Variants in ATE1 observed in about 807,000 individuals in gnomAD.
ATE1 encodes arginyl-tRNA--protein transferase 1.
In ATE1, 36 loss-of-function variants were observed where a neutral mutation model predicts 70.5. The observed-to-expected ratio is 0.51, with a 90% CI of 0.39 to 0.67. The LOEUF (loss-of-function observed/expected upper bound fraction) is 0.67. ATE1 is among the 30% of genes least tolerant of loss of function. The pLI is 0.00. For missense variants in ATE1, 593 were observed against 629.5 expected, an observed-to-expected ratio of 0.94 and a Z score of 0.62; for synonymous variants, 232 against 219.3, an observed-to-expected ratio of 1.06 and a Z score of -0.51.
At chr10:121,768,587 G>A (rs1190413482) in intron 11 of ATE1, among the ~76,000 whole-genome samples, 1 of 152,122 alleles carries the variant, frequency 6.6e-6, no homozygotes, top group Non-Finnish European at 1.5e-5. Context: ...TCACTGAGGA[G>A]CTGCTGAAAC....
chr10:121,753,647 G>A (rs1210499967), intron 11 of ATE1, among the ~76,000 whole-genome samples: 1 of 152,118 alleles, frequency 6.6e-6, no homozygotes, highest in Non-Finnish European at 1.5e-5. Context: ...CAAGTAAAAT[G>A]CTAATAAAAT....
At chr10:121,754,684 G>A (rs1944721216) in intron 11 of ATE1, among the ~76,000 whole-genome samples, 1 of 152,172 alleles carries the variant, frequency 6.6e-6, no homozygotes, top group Non-Finnish European at 1.5e-5. Flanking sequence ...AAAACCAGTA[G>A]ATATAAGTCT....
intron 8 of ATE1, among the ~76,000 whole-genome samples, chr10:121,868,667 A>C (rs1949745270): frequency 6.6e-6 from 1 of 152,188 alleles, no homozygotes; most frequent in Non-Finnish European, 1.5e-5. Flanking sequence ...AAAGGGCTCA[A>C]GAGTCAATGA....
At chr10:121,886,856 T>G (rs1023083828) in intron 7 of ATE1, among the ~76,000 whole-genome samples, 2 of 152,164 alleles carry the variant, frequency 1.3e-5, no homozygotes, top group Non-Finnish European at 2.9e-5. Context: ...CTATATATGA[T>G]TGTCTGGTCT....
intron 5 of ATE1, among the ~76,000 whole-genome samples, chr10:121,904,319 T>C (rs183609639): frequency 8.6e-5 from 13 of 151,788 alleles, no homozygotes; most frequent in Admixed American, 8.5e-4. Context: ...AGTAATTTTT[T>C]AGAAGATATT....
intron 10 of ATE1, among the ~76,000 whole-genome samples, chr10:121,836,397 G>C (rs1948434324): frequency 6.6e-6 from 1 of 152,064 alleles, no homozygotes; most frequent in South Asian, 2.1e-4. Flanking sequence ...CCTCTGCATT[G>C]GTCTTCACTC....
At chr10:121,864,434 C>CT (rs1949587925) in intron 8 of ATE1, among the ~76,000 whole-genome samples, 1 of 152,242 alleles carries the variant, frequency 6.6e-6, no homozygotes. Context: ...TGCTCACCTG[C>CT]TGAGTGTCCC....
intron 7 of ATE1, among the ~76,000 whole-genome samples, chr10:121,895,936 A>T (rs1379082878): frequency 1.3e-5 from 2 of 152,088 alleles, no homozygotes; most frequent in East Asian, 1.9e-4. Flanking sequence ...AAAAAAAAAA[A>T]ATCAAACATG....
intron 3 of ATE1, among the ~76,000 whole-genome samples, chr10:121,914,799 A>G (rs1951579852): frequency 6.6e-6 from 1 of 152,240 alleles, no homozygotes; most frequent in South Asian, 2.1e-4. Flanking sequence ...GTACTACTGA[A>G]AACGGCTTAA....
chr10:121,771,302 C>A (rs1363217158), intron 11 of ATE1, among the ~76,000 whole-genome samples: 4 of 152,124 alleles, frequency 2.6e-5, no homozygotes, highest in Admixed American at 6.5e-5. Flanking sequence ...AACTCCTGAC[C>A]TCGTGATCCA....
intron 11 of ATE1, among the ~76,000 whole-genome samples, chr10:121,751,007 C>A (rs1944555778): frequency 1.3e-5 from 2 of 152,136 alleles, no homozygotes; most frequent in Admixed American, 6.5e-5. Flanking sequence ...AGAAAGGAAG[C>A]TTTTCAGCAT....
chr10:121,822,878 T>C (rs1302882273), intron 10 of ATE1, among the ~76,000 whole-genome samples: 1 of 152,222 alleles, frequency 6.6e-6, no homozygotes, highest in Non-Finnish European at 1.5e-5. Context: ...CTAATGTTCC[T>C]TTTGTCTGGG....
At chr10:121,745,245 A>G (rs781174990) in intron 11 of ATE1, among the ~76,000 whole-genome samples, 2 of 152,236 alleles carry the variant, frequency 1.3e-5, no homozygotes, top group Non-Finnish European at 2.9e-5. Context: ...CACTGACTCA[A>G]TAAGTCTACT....
intron 8 of ATE1, among the ~76,000 whole-genome samples, chr10:121,867,635 C>T (rs1949708550): frequency 6.6e-6 from 1 of 152,126 alleles, no homozygotes; most frequent in Admixed American, 6.6e-5. Context: ...GGGCCCTTTA[C>T]TGGAAGAGTA....
At chr10:121,778,085 G>C (rs932543075) in intron 11 of ATE1, among the ~76,000 whole-genome samples, 1 of 152,138 alleles carries the variant, frequency 6.6e-6, no homozygotes, top group African/African-American at 2.4e-5. Context: ...TAAAATTAAA[G>C]GAAACCTTGG....
At chr10:121,881,736 G>A (rs7921873) in intron 7 of ATE1, among the ~76,000 whole-genome samples, 19,908 of 150,374 alleles carry the variant, frequency 0.13, 1,516 homozygotes, top group East Asian at 0.19. Flanking sequence ...ATCTTTTACA[G>A]GTTTTATGTG....
chr10:121,801,171 A>C (rs933665574), intron 10 of ATE1, among the ~76,000 whole-genome samples: 2 of 152,222 alleles, frequency 1.3e-5, no homozygotes, highest in Non-Finnish European at 2.9e-5. Flanking sequence ...CTGCTAGGCT[A>C]AGCTTTGAAA....
In ATE1 at chr10:121,924,297, A is replaced by G; in HGVS notation, c.139T>C (p.Tyr47His). ...CATCCTCGGTCTATGAGATCCTGAT[A>G]ATCCTGTACTGTCATGGAATGTGCC... ...MWAHSMTVQDYQDLIDRGWRR... is the reference protein window; with the variant it reads ...MWAHSMTVQDHQDLIDRGWRR... The change falls in exon 2 of 12, where the codon TAT becomes CAT. Residue 47 changes from tyrosine to histidine, a missense_variant. Transcript: ENST00000224652. 3 of 1,614,144 alleles carry G rather than the reference A, an allele frequency of 1.9e-6. No individual in the cohort carries two copies. The highest frequency in any genetic ancestry group is 2.5e-6 in the Non-Finnish European group (3 of 1,179,980).
intron 11 of ATE1, among the ~76,000 whole-genome samples, chr10:121,745,499 G>C (rs868743877): frequency 6.6e-6 from 1 of 152,048 alleles, no homozygotes; most frequent in Non-Finnish European, 1.5e-5. Context: ...GGCAAATCAC[G>C]AGGTCAGGAG....
Sources: gnomAD v4.1 joint callset for allele counts (sites outside exome capture counted in the v4.1 genomes callset) on GRCh38, gnomAD v4.1.1 for gene constraint, MANE v1.5 for transcripts, NCBI Gene and HGNC (gene_info 2026-07-23, HGNC 2026-07-21) for gene names.